IGF2R: variants seen among roughly 807,000 people sequenced by gnomAD.
The protein encoded by IGF2R is insulin like growth factor 2 receptor, also known as cation-independent mannose-6-phosphate receptor.
Under a neutral mutation model 270.6 loss-of-function variants are expected in IGF2R, and 91 were observed. The observed-to-expected ratio is 0.34, with a 90% CI of 0.28 to 0.40. The LOEUF (loss-of-function observed/expected upper bound fraction) is 0.40, where lower values mean the gene tolerates loss of function less well. Among genes scored for constraint, IGF2R ranks in the 10% least tolerant of loss-of-function variants. The probability of loss-of-function intolerance (pLI) is 1.00; values close to 1 mark genes in which losing one functional copy is unlikely to be tolerated. For synonymous variants in IGF2R, 1,316 were observed against 1,258.9 expected (o/e 1.05, Z -0.96); for missense variants, 2,805 against 3,188.3 (o/e 0.88, Z 2.90).
In IGF2R at chr6:159,969,305, A is replaced by C; in HGVS notation, c.59A>C (p.Gln20Pro). The change falls in exon 1 of 48, where the codon CAG becomes CCG. Residue 20 changes from glutamine (Q) to proline (P), a missense_variant. Transcript: ENST00000356956. ...HLGPAPARRP[Q>P]RSLLLLQLLL... ...GGGCCCGCGCCCGCCCGCCGCCCGC[A>C]GCGCTCTCTGCTCCTGCTGCAGCTG... is the stretch of plus-strand genomic sequence containing the variant. 7.9e-7 allele frequency: 1 copy of C among 1,260,442 alleles called. No individual in the cohort carries two copies. Among genetic ancestry groups the C allele is most frequent in the Non-Finnish European group, 1.0e-6 (1 of 999,566 alleles). 78.1% of individuals were successfully genotyped at this position (1,260,442 alleles called of 1,614,324 possible).
intron 1 of IGF2R, among the ~76,000 whole-genome samples, chr6:159,980,950 A>T (rs1783790716): frequency 6.6e-6 from 1 of 152,234 alleles, no homozygotes; most frequent in Admixed American, 6.5e-5. Context: ...ATTGGAAGAA[A>T]ATCATCACGG....
chr6:160,074,615 T>A (rs918048941), intron 35 of IGF2R, among the ~76,000 whole-genome samples: 3 of 152,234 alleles, frequency 2.0e-5, no homozygotes, highest in Admixed American at 1.3e-4. Flanking sequence ...TTAAAAATTG[T>A]CTCCATGAGT....
rs187145561 is a variant in IGF2R at position 160,060,987 on chromosome 6, G to A, written c.3262+270G>A. ...ACATCTTAAGAACAGAGAAGAAAATGCAGAGGAAACACATTTCACATGTAC... is the reference window on the plus strand; with the variant it reads ...ACATCTTAAGAACAGAGAAGAAAATACAGAGGAAACACATTTCACATGTAC... On this transcript the variant is annotated intron_variant, in intron 23 of 47. Transcript: ENST00000356956. 4.0e-3 allele frequency among the ~76,000 whole-genome samples: 608 copies of A among 152,234 alleles called. 3 individuals are homozygous for A. Among genetic ancestry groups the A allele is most frequent in the African/African-American group, 0.013 (525 of 41,510 alleles).
At chr6:160,038,416 G>C (rs1206064310) in intron 10 of IGF2R, among the ~76,000 whole-genome samples, 4 of 152,204 alleles carry the variant, frequency 2.6e-5, no homozygotes, top group Non-Finnish European at 5.9e-5. Flanking sequence ...TACGTGTAAG[G>C]TACGTAGCAA....
chr6:160,036,005 A>G (rs534660674), intron 10 of IGF2R, among the ~76,000 whole-genome samples: 31 of 152,264 alleles, frequency 2.0e-4, no homozygotes, highest in South Asian at 8.3e-4. Context: ...AAAGGCATGG[A>G]CCAGGGGAAC....
At chr6:159,996,902 CCAGTGGAAA>C (rs1784062085) in intron 2 of IGF2R, among the ~76,000 whole-genome samples, 1 of 152,168 alleles carries the variant, frequency 6.6e-6, no homozygotes, top group East Asian at 1.9e-4. Context: ...AAGTCCACTG[CCAGTGGAAA>C]TGCAGCTTCC....
rs543730137 is a variant in IGF2R at position 160,106,556 on chromosome 6, G to C, written c.*1472G>C. The C allele has an allele frequency of 6.6e-6, 1 of 152,196 alleles. No homozygotes were observed. Among genetic ancestry groups the C allele is most frequent in the East Asian group, 1.9e-4 (1 of 5,182 alleles). The allele number at this position is 152,196 out of a possible 1,614,324, so 9.4% of individuals were successfully genotyped here. A position where few individuals can be genotyped will look rare whatever the true frequency, so the allele number is the denominator to read the frequency against. On this transcript the variant is annotated 3_prime_UTR_variant, in exon 48 of 48. Transcript: ENST00000356956. ...CAATAAAAGATAAATTATTAATTGG[G>C]TGTTACCATTTTTTCCTTGATAGTG... is the stretch of plus-strand genomic sequence containing the variant.
chr6:160,034,722 A>C (rs768693522), intron 10 of IGF2R, among the ~76,000 whole-genome samples, 200 bp downstream of exon 10: 1 of 152,032 alleles, frequency 6.6e-6, no homozygotes, highest in Non-Finnish European at 1.5e-5. Flanking sequence ...CAGTGGACAC[A>C]CACACATCCT....
intron 6 of IGF2R, 152 bp from the exon 7 acceptor site, chr6:160,029,398 C>A: frequency 2.0e-6 from 1 of 500,272 alleles, no homozygotes; most frequent in Non-Finnish European, 3.6e-6. Context: ...GAAATAAAGT[C>A]ATTTTATACC....
chr6:160,076,287 T>C (rs1778853678), intron 36 of IGF2R, among the ~76,000 whole-genome samples: 1 of 152,226 alleles, frequency 6.6e-6, no homozygotes, highest in Non-Finnish European at 1.5e-5. Context: ...GTCATAACTT[T>C]TGTTTTTACT....
rs765347742 is a variant in IGF2R at position 160,024,730 on chromosome 6, G to A, written c.646+26G>A. The A allele has an allele frequency of 5.6e-6, 9 of 1,610,514 alleles. No individual in the cohort carries two copies. In the African/African-American group the frequency reaches 6.7e-5, roughly 12 times the overall value. On this transcript the variant is annotated intron_variant, in intron 5 of 47. Coordinates refer to ENST00000356956, the MANE Select transcript of IGF2R (RefSeq NM_000876.4). ...GTATGAATCTTTGTGGGGCTGAGGG[G>A]GTGGTGGTGAGGGATTTCTTCTATG...
intron 13 of IGF2R, 73 bp from the exon 14 acceptor site, chr6:160,045,672 G>A (rs1287063075): frequency 1.1e-5 from 18 of 1,571,904 alleles, no homozygotes; most frequent in Non-Finnish European, 1.4e-5. Context: ...TCTACTTCTA[G>A]CAGAGAAGAA....
chr6:160,070,996 G>A (rs73781832), intron 31 of IGF2R, among the ~76,000 whole-genome samples: 1 of 152,186 alleles, frequency 6.6e-6, no homozygotes, highest in South Asian at 2.1e-4. Context: ...CCCCACATGT[G>A]GGGGGCAAAG....
At chr6:159,973,266 T>C (rs1423820985) in intron 1 of IGF2R, among the ~76,000 whole-genome samples, 1 of 152,218 alleles carries the variant, frequency 6.6e-6, no homozygotes, top group Non-Finnish European at 1.5e-5. Context: ...TTGTAAAATG[T>C]CATATTATAT....
chr6:160,013,087 A>G (rs1459336838), intron 4 of IGF2R, among the ~76,000 whole-genome samples: 1 of 152,064 alleles, frequency 6.6e-6, no homozygotes, highest in Non-Finnish European at 1.5e-5. Context: ...CAACCTGATC[A>G]TGATACCCTT....
chr6:160,065,733 A>C (rs1583288179), intron 29 of IGF2R, among the ~76,000 whole-genome samples: 1 of 149,352 alleles, frequency 6.7e-6, no homozygotes, highest in Admixed American at 6.7e-5. Context: ...ACAAGGAATA[A>C]AATTTTGATT....
intron 29 of IGF2R, among the ~76,000 whole-genome samples, chr6:160,065,905 C>G (rs1046706372): frequency 6.8e-6 from 1 of 146,510 alleles, no homozygotes; most frequent in South Asian, 2.2e-4. Flanking sequence ...GTGGCGTGAT[C>G]TTGTCTCACT....
At chr6:160,046,686 A>T (rs748556163) in intron 15 of IGF2R, 41 bp downstream of exon 15, 1 of 1,582,300 alleles carries the variant, frequency 6.3e-7, no homozygotes, top group South Asian at 1.1e-5. Flanking sequence ...TAGGCATTAT[A>T]TGCTAAGAAA....
In IGF2R at chr6:160,062,512, G is replaced by C. The variant is rs371386920; in HGVS notation, c.3583-20G>C. On this transcript the variant is annotated intron_variant, in intron 25 of 47. Transcript: ENST00000356956. ...TTAAAATAAACAGGAAACAAATCAG[G>C]CTGCTGATTTATATTACAGGGCTCA... The C allele has an allele frequency of 5.7e-6, 9 of 1,573,316 alleles. No homozygotes were observed. The highest frequency in any genetic ancestry group is 1.3e-5 in the African/African-American group (1 of 74,076).
Sources: allele counts gnomAD v4.1 joint callset (sites outside exome capture counted in the v4.1 genomes callset), GRCh38; gene constraint gnomAD v4.1.1; transcripts MANE v1.5; gene names NCBI Gene and HGNC (gene_info 2026-07-23, HGNC 2026-07-21).